SLCO6A1: variants seen among roughly 807,000 people sequenced by gnomAD.
SLCO6A1 encodes the protein cancer/testis antigen 48.
Under a neutral mutation model 72.7 loss-of-function variants are expected in SLCO6A1, and 65 were observed. The observed-to-expected ratio is 0.89, with a 90% CI of 0.73 to 1.10. The LOEUF is 1.10. SLCO6A1 is among the 50% of genes least tolerant of loss of function. The pLI is 0.00. For missense variants in SLCO6A1, 874 were observed against 872.6 expected (o/e 1.00, Z -0.02); for synonymous variants, 314 against 298.2 (o/e 1.05, Z -0.55).
chr5:102,386,945 C>A (rs1746451097), intron 12 of SLCO6A1, among the ~76,000 whole-genome samples: 1 of 152,160 alleles, frequency 6.6e-6, no homozygotes, highest in Admixed American at 6.5e-5. Flanking sequence ...AAGGGTGATG[C>A]AGGTCATGTG....
At chr5:102,387,730 AC>A (rs1259699359) in intron 12 of SLCO6A1, among the ~76,000 whole-genome samples, 4 of 152,296 alleles carry the variant, frequency 2.6e-5, no homozygotes, top group African/African-American at 9.6e-5. Flanking sequence ...ACTCAGTGAA[AC>A]CATAAAACAT....
intron 6 of SLCO6A1, among the ~76,000 whole-genome samples, chr5:102,447,532 T>C (rs1750178442): frequency 6.6e-6 from 1 of 152,206 alleles, no homozygotes; most frequent in African/African-American, 2.4e-5. Flanking sequence ...GTTTTTCTTA[T>C]AATTGATTCA....
chr5:102,482,914 C>T (rs1046767106), intron 1 of SLCO6A1, among the ~76,000 whole-genome samples: 1 of 152,134 alleles, frequency 6.6e-6, no homozygotes, highest in Non-Finnish European at 1.5e-5. Context: ...GTTGGTTTCA[C>T]TAAGGAATGG....
chr5:102,457,163 A>G (rs1238796185), intron 6 of SLCO6A1, among the ~76,000 whole-genome samples: 1 of 152,228 alleles, frequency 6.6e-6, no homozygotes, highest in Non-Finnish European at 1.5e-5. Context: ...AAGAAAACCT[A>G]GGCAATACCA....
At chr5:102,398,983 G>A (rs1448844355) in intron 10 of SLCO6A1, among the ~76,000 whole-genome samples, 3 of 149,790 alleles carry the variant, frequency 2.0e-5, no homozygotes, top group Non-Finnish European at 3.0e-5. Flanking sequence ...TTTTGTTAGC[G>A]TCTTGAAAAA....
chr5:102,387,526 T>A (rs924121881), intron 12 of SLCO6A1, among the ~76,000 whole-genome samples: 2 of 152,198 alleles, frequency 1.3e-5, no homozygotes, highest in Non-Finnish European at 2.9e-5. Flanking sequence ...TCTAACAAGT[T>A]AATTTTGACT....
chr5:102,452,365 T>C (rs772113551), intron 6 of SLCO6A1, among the ~76,000 whole-genome samples: 14 of 152,140 alleles, frequency 9.2e-5, no homozygotes, highest in Non-Finnish European at 1.5e-4. Flanking sequence ...TTTATGTTTT[T>C]ATTCTTTTTT....
At chr5:102,381,088 G>C (rs1490810785) in intron 12 of SLCO6A1, among the ~76,000 whole-genome samples, 1 of 151,768 alleles carries the variant, frequency 6.6e-6, no homozygotes, top group South Asian at 2.1e-4. Flanking sequence ...TTTTGGGGGT[G>C]AGAATACTTA....
intron 1 of SLCO6A1, among the ~76,000 whole-genome samples, chr5:102,480,889 T>C (rs1048463246): frequency 8.5e-5 from 13 of 152,224 alleles, no homozygotes; most frequent in African/African-American, 3.1e-4. Flanking sequence ...CATCCTGTAT[T>C]TAAAGTTTAC....
chr5:102,407,775 G>A (rs940528728), intron 9 of SLCO6A1, among the ~76,000 whole-genome samples: 1 of 152,096 alleles, frequency 6.6e-6, no homozygotes, highest in Admixed American at 6.5e-5. Context: ...CCAACATACA[G>A]CTAGCAAAAA....
rs115652202 is a variant in SLCO6A1 at position 102,473,713 on chromosome 5, C to T, written c.899+1984G>A. Among the ~76,000 whole-genome samples the T allele has an allele frequency of 8.8e-3, 1,341 of 151,912 alleles. 16 individuals carry two copies. The highest frequency in any genetic ancestry group is 0.03 in the African/African-American group (1,249 of 41,492). On this transcript the variant is annotated intron_variant, in intron 4 of 13. Coordinates refer to ENST00000506729, the MANE Select transcript of SLCO6A1 (RefSeq NM_173488.5). ...ATGACATGATCTTATATATAGAAAA[C>T]CCTAAGGATCATACATACTTGCATA...
intron 9 of SLCO6A1, among the ~76,000 whole-genome samples, chr5:102,403,949 A>G (rs1747533318): frequency 6.6e-6 from 1 of 151,974 alleles, no homozygotes; most frequent in Admixed American, 6.6e-5. Flanking sequence ...TTATTTTTCT[A>G]CTTTTTATTT....
chr5:102,383,083 T>C (rs1453981238), intron 12 of SLCO6A1, among the ~76,000 whole-genome samples: 3 of 131,462 alleles, frequency 2.3e-5, no homozygotes, highest in African/African-American at 9.0e-5. Flanking sequence ...ATAGTGTATG[T>C]ATATGTGTGT....
chr5:102,451,297 G>C (rs953619341), intron 6 of SLCO6A1, among the ~76,000 whole-genome samples: 3 of 152,152 alleles, frequency 2.0e-5, no homozygotes, highest in African/African-American at 7.2e-5. Flanking sequence ...CTCAGGCAGG[G>C]GTGGGTTGGC....
chr5:102,433,341 T>C (rs936270360), intron 7 of SLCO6A1, among the ~76,000 whole-genome samples: 2 of 152,230 alleles, frequency 1.3e-5, no homozygotes, highest in South Asian at 4.1e-4. Flanking sequence ...GAAGACCTTA[T>C]GGCCTTTTGA....
chr5:102,475,850 T>C (rs977446781), intron 3 of SLCO6A1, 57 bp from the exon 4 acceptor site: 1 of 1,323,136 alleles, frequency 7.6e-7, no homozygotes, highest in Non-Finnish European at 1.1e-6. Flanking sequence ...AGCTTCGTTA[T>C]GATAAAAATT....
At chr5:102,417,982 C>A (rs149716167) in intron 8 of SLCO6A1, among the ~76,000 whole-genome samples, 1 of 131,772 alleles carries the variant, frequency 7.6e-6, no homozygotes, top group Non-Finnish European at 1.6e-5. Context: ...GTGACAAGAG[C>A]GAAACTCCGT....
chr5:102,459,851 T>G, intron 4 of SLCO6A1, 74 bp from the exon 5 acceptor site: 1 of 1,325,978 alleles, frequency 7.5e-7, no homozygotes. Context: ...TCAAACAGAG[T>G]GGAGAAAGTG....
intron 5 of SLCO6A1, among the ~76,000 whole-genome samples, chr5:102,459,431 AAAG>A (rs1309692517): frequency 6.6e-6 from 1 of 152,118 alleles, no homozygotes; most frequent in Non-Finnish European, 1.5e-5. Context: ...AACTAAATAC[AAAG>A]AAGAAGAAAT....
Sources: allele counts gnomAD v4.1 joint callset (sites outside exome capture counted in the v4.1 genomes callset), GRCh38; gene constraint gnomAD v4.1.1; transcripts MANE v1.5; gene names NCBI Gene and HGNC (gene_info 2026-07-23, HGNC 2026-07-21).